BLK: variants seen among roughly 807,000 people sequenced by gnomAD.
BLK encodes BLK proto-oncogene, Src family tyrosine kinase.
A neutral mutation model predicts 61.8 loss-of-function variants in BLK; 64 were observed. That is an observed-to-expected ratio of 1.03 (90% CI 0.85 to 1.27). BLK has a LOEUF of 1.27. Ranked by LOEUF, BLK falls within the 50% of genes most tolerant of loss-of-function variation. BLK has a pLI of 0.00. For synonymous variants in BLK, 351 were observed against 272.0 expected, an observed-to-expected ratio of 1.29 and a Z score of -2.86; for missense variants, 853 against 660.5, an observed-to-expected ratio of 1.29 and a Z score of -3.19.
Position 11,550,208 on chromosome 8 carries a change from G to T in BLK, c.418G>T (p.Ala140Ser). The stretch of plus-strand genomic sequence containing the variant: ...GAAGGAGGCTGAGAGGCAGCTTCTT[G>T]CTCCAATCAACAAGGCCGGCTCCTT... ...GRKEAERQLL[A>S]PINKAGSFLI... is the part of the protein sequence containing the mutation. The change falls in exon 6 of 13, where the codon GCT becomes TCT. Residue 140 changes from alanine (A) to serine (S), a missense_variant. Coordinates refer to ENST00000259089, the MANE Select transcript of BLK (RefSeq NM_001715.3). 2 of 1,614,100 alleles carry T rather than the reference G, an allele frequency of 1.2e-6. No individual in the cohort carries two copies. The highest frequency in any genetic ancestry group is 8.5e-7 in the Non-Finnish European group (1 of 1,180,004).
At chr8:11,550,098 T>C (rs1800831304) in intron 5 of BLK, 61 bp from the exon 6 acceptor site, 30 of 1,445,804 alleles carry the variant, frequency 2.1e-5, no homozygotes, top group Non-Finnish European at 2.9e-5. Flanking sequence ...AGGGAGGCTG[T>C]GTGGGAATAC....
At chr8:11,552,975 CACAT>C (rs1469583875) in intron 6 of BLK, 3 of 156,230 alleles carry the variant, frequency 1.9e-5, no homozygotes, top group African/African-American at 7.2e-5. Flanking sequence ...CATGTGTGCA[CACAT>C]ACACATGCAA....
Position 11,564,272 on chromosome 8 carries a change from C to T in BLK, c.*164C>T. On this transcript the variant is annotated 3_prime_UTR_variant, in exon 13 of 13. Transcript: ENST00000259089. Reference sequence around the variant, plus strand: ...TCGCAGGGGGTCCCCGGACGGACTCCTTCACCGACTGCACCCCCGGGCGAG... The same window carrying T: ...TCGCAGGGGGTCCCCGGACGGACTCTTTCACCGACTGCACCCCCGGGCGAG... 4.7e-6 allele frequency: 4 copies of T among 850,990 alleles called. No homozygotes were observed. Among genetic ancestry groups the T allele is most frequent in the South Asian group, 1.4e-5 (1 of 69,086 alleles). 52.7% of individuals were successfully genotyped at this position (850,990 alleles called of 1,614,324 possible). A position where few individuals can be genotyped will look rare whatever the true frequency, so the allele number is the denominator to read the frequency against.
chr8:11,533,024 A>G (rs1799953377), intron 1 of BLK, among the ~76,000 whole-genome samples: 1 of 152,268 alleles, frequency 6.6e-6, no homozygotes, highest in Admixed American at 6.5e-5. Context: ...CATATAATAC[A>G]TGAAAAGCAT....
At chr8:11,529,725 C>G (rs1170467645) in intron 1 of BLK, among the ~76,000 whole-genome samples, 1 of 152,198 alleles carries the variant, frequency 6.6e-6, no homozygotes, top group South Asian at 2.1e-4. Flanking sequence ...AAATTAACTT[C>G]TTCCCAAAAT....
intron 1 of BLK, among the ~76,000 whole-genome samples, chr8:11,520,907 G>A (rs1232032169): frequency 1.3e-5 from 2 of 151,998 alleles, no homozygotes; most frequent in South Asian, 2.1e-4. Context: ...TCCAAAAATT[G>A]TATATAAATT....
chr8:11,511,971 T>A (rs1340061791), intron 1 of BLK, among the ~76,000 whole-genome samples: 1 of 152,166 alleles, frequency 6.6e-6, no homozygotes, highest in African/African-American at 2.4e-5. Context: ...TTGGGTTTTC[T>A]GTGATTGTTT....
chr8:11,556,235 A>T (rs527237637), intron 8 of BLK: 1 of 303,748 alleles, frequency 3.3e-6, no homozygotes, highest in African/African-American at 2.2e-5. Context: ...CAGGATCGCC[A>T]TGGGGCTTCA....
At chr8:11,546,220 G>A (rs747699180) in intron 3 of BLK, 117 bp downstream of exon 3, 5 of 1,295,706 alleles carry the variant, frequency 3.9e-6, no homozygotes, top group Admixed American at 1.7e-5. Flanking sequence ...AAGAGAAAAC[G>A]GGGAAGCTGA....
rs1441454783 is a variant in BLK, at chr8:11,554,765, G to A, written c.495G>A (p.Lys165=). ...TNKGAFSLSV[K]DVTTQGELIK... ...CAGGTGCCTTCTCCCTGTCTGTGAA[G>A]GATGTCACCACCCAGGGGGAGCTGA... The change falls in exon 7 of 13, where the codon AAG becomes AAA. Residue 165 remains lysine (K), a synonymous_variant. Coordinates refer to ENST00000259089, the MANE Select transcript of BLK (RefSeq NM_001715.3). 6 of 1,613,890 alleles carry A rather than the reference G, an allele frequency of 3.7e-6. No homozygotes were observed. The highest frequency in any genetic ancestry group is 5.1e-6 in the Non-Finnish European group (6 of 1,180,018).
At chr8:11,530,859 T>C (rs1799856347) in intron 1 of BLK, among the ~76,000 whole-genome samples, 2 of 152,250 alleles carry the variant, frequency 1.3e-5, no homozygotes, top group Admixed American at 1.3e-4. Context: ...GGTCATATGT[T>C]TTTATTTCTC....
chr8:11,555,249 G>A, intron 7 of BLK, 83 bp from the exon 8 acceptor site: 2 of 1,589,022 alleles, frequency 1.3e-6, no homozygotes, highest in Non-Finnish European at 1.7e-6. Context: ...GGAGTGGAGG[G>A]CCAGCTAGGA....
intron 1 of BLK, among the ~76,000 whole-genome samples, chr8:11,531,623 C>G (rs1799889868): frequency 6.6e-6 from 1 of 152,188 alleles, no homozygotes; most frequent in Non-Finnish European, 1.5e-5. Flanking sequence ...TAGCTTCTAT[C>G]AAATTTGGAA....
chr8:11,555,674 G>C, intron 8 of BLK, 190 bp downstream of exon 8: 1 of 889,232 alleles, frequency 1.1e-6, no homozygotes, highest in Non-Finnish European at 1.8e-6. Context: ...TAACAGCTGG[G>C]ACCGCTTATG....
intron 8 of BLK, chr8:11,556,029 T>C (rs149276698): frequency 1.3e-3 from 330 of 246,100 alleles, no homozygotes; most frequent in Admixed American, 2.6e-3. Context: ...CCATGAGTCC[T>C]CCCTTACCTG....
intron 1 of BLK, among the ~76,000 whole-genome samples, chr8:11,506,982 A>G (rs1276976598): frequency 6.6e-6 from 1 of 152,252 alleles, no homozygotes; most frequent in Non-Finnish European, 1.5e-5. Flanking sequence ...CAATGGGTGC[A>G]GAACCATCGT....
intron 1 of BLK, among the ~76,000 whole-genome samples, chr8:11,511,347 G>A (rs954348296): frequency 3.3e-5 from 5 of 152,006 alleles, no homozygotes; most frequent in Non-Finnish European, 5.9e-5. Flanking sequence ...AATGCTAAAT[G>A]ACCAGTTAAT....
In BLK at chr8:11,548,506, C is replaced by T. The variant is rs115061273; in HGVS notation, c.269+381C>T. On this transcript the variant is annotated intron_variant, in intron 4 of 12. Coordinates refer to ENST00000259089, the MANE Select transcript of BLK (RefSeq NM_001715.3). Reference sequence around the variant, plus strand: ...GTCTCCTTTTCAAGACAGGAGCCCACACTGATGACACACACCAATCCCGCT... The same window carrying T: ...GTCTCCTTTTCAAGACAGGAGCCCATACTGATGACACACACCAATCCCGCT... Among the ~76,000 whole-genome samples the T allele has an allele frequency of 4.6e-3, 694 of 152,304 alleles. 5 individuals are homozygous for T. Among genetic ancestry groups the T allele is most frequent in the Middle Eastern group, 0.017 (5 of 294 alleles).
At chr8:11,498,822 A>G (rs926378951) in intron 1 of BLK, among the ~76,000 whole-genome samples, 1 of 152,246 alleles carries the variant, frequency 6.6e-6, no homozygotes, top group Non-Finnish European at 1.5e-5. Context: ...ATTAAATTAC[A>G]AAGCCCTAAT....
Sources: gnomAD v4.1 joint callset for allele counts (sites outside exome capture counted in the v4.1 genomes callset) on GRCh38, gnomAD v4.1.1 for gene constraint, MANE v1.5 for transcripts, NCBI Gene and HGNC (gene_info 2026-07-23, HGNC 2026-07-21) for gene names.